FSIP2: variants seen among roughly 807,000 people sequenced by gnomAD.
FSIP2 encodes fibrous sheath-interacting protein 2.
FSIP2 carries 367 observed loss-of-function variants against 510.5 expected under a neutral mutation model. The observed-to-expected ratio is 0.72, with a 90% confidence interval of 0.66 to 0.78. FSIP2 has a LOEUF of 0.78. Among genes scored for constraint, FSIP2 ranks in the 30% least tolerant of loss-of-function variants. The pLI, the probability that FSIP2 is intolerant of heterozygous loss-of-function variation, is 0.00. For missense variants in FSIP2, 7,594 were observed against 7,901.7 expected (o/e 0.96, Z 1.48); for synonymous variants, 2,601 against 2,732.2 (o/e 0.95, Z 1.50).
rs1693526336 is a variant in FSIP2, at chr2:185,804,871, A to C, written c.15565A>C (p.Asn5189His). The C allele has an allele frequency of 6.6e-7, 1 of 1,523,224 alleles. No homozygotes were observed. Among genetic ancestry groups the C allele is most frequent in the Non-Finnish European group, 8.8e-7 (1 of 1,141,876 alleles). 94.4% of individuals were successfully genotyped at this position (1,523,224 alleles called of 1,614,324 possible). A position where few individuals can be genotyped will look rare whatever the true frequency, so the allele number is the denominator to read the frequency against. Residue 5189 changes from asparagine (N) to histidine (H), a missense_variant, in exon 17 of 23, where the codon AAT (asparagine) becomes CAT (histidine). Physicochemically the swap from Asn to His is moderately conservative, Grantham distance 68 (BLOSUM62 1). Coordinates refer to ENST00000424728, the MANE Select transcript of FSIP2 (RefSeq NM_173651.4). The stretch of plus-strand genomic sequence containing the variant: ...AAGTATGCAGTTAGAACCTATTGAA[A>C]ATTTGGTCGACTCCATATGTAATAA... ...AESMQLEPIENLVDSICNNIL... is the reference protein window; with the variant it reads ...AESMQLEPIEHLVDSICNNIL...
At chr2:185,748,811 C>T (rs138364865) in intron 7 of FSIP2, among the ~76,000 whole-genome samples, 14 of 152,140 alleles carry the variant, frequency 9.2e-5, no homozygotes, top group African/African-American at 3.4e-4. Flanking sequence ...CTGATATTTC[C>T]AATGGAGTTA....
At position 185,802,899 on chromosome 2, in the gene FSIP2, CA is replaced by C; in HGVS notation, c.13595del (p.Lys4532SerfsTer42). The C allele has an allele frequency of 6.7e-7, 1 of 1,496,280 alleles. No homozygotes were observed. Among genetic ancestry groups the C allele is most frequent in the Non-Finnish European group, 8.8e-7 (1 of 1,131,596 alleles). 92.7% of individuals were successfully genotyped at this position (1,496,280 alleles called of 1,614,324 possible). ...GATTTTCAAAAGAGGAAGAAGAAAC[CA>C]AGTTTATTTATTCAGAAGATGATAT... The part of the protein sequence containing the change: ...IRFSKEEEET[K>X]FIYSEDDIQH... On this transcript the variant is annotated frameshift_variant, in exon 17 of 23. Coordinates refer to ENST00000424728, the MANE Select transcript of FSIP2 (RefSeq NM_173651.4). LOFTEE classifies it high-confidence loss of function.
At chr2:185,783,421 T>A (rs916043195) in intron 14 of FSIP2, among the ~76,000 whole-genome samples, 8 of 152,294 alleles carry the variant, frequency 5.3e-5, no homozygotes, top group Non-Finnish European at 1.2e-4. Flanking sequence ...TCATCTTTTT[T>A]AAAAATGAAC....
rs1693618342 is a variant in FSIP2 at position 185,807,658 on chromosome 2, G to C, written c.18352G>C (p.Val6118Leu). 6.2e-7 allele frequency: 1 copy of C among 1,612,868 alleles called. No individual in the cohort carries two copies. Among genetic ancestry groups the C allele is most frequent in the Non-Finnish European group, 8.5e-7 (1 of 1,179,330 alleles). The change falls in exon 17 of 23, where the codon GTT becomes CTT. Residue 6118 changes from valine to leucine, a missense_variant. Coordinates refer to ENST00000424728, the MANE Select transcript of FSIP2 (RefSeq NM_173651.4). ...SGCKILSENIVDLVLREVASN... is the reference protein window; with the variant it reads ...SGCKILSENILDLVLREVASN... The stretch of plus-strand genomic sequence containing the variant: ...ATGCAAAATCCTTTCAGAAAACATA[G>C]TTGACTTGGTTCTACGAGAAGTGGC...
chr2:185,802,503 C>T lies in FSIP2; in HGVS notation c.13197C>T (p.Gly4399=). 1 of 1,532,386 alleles carries T rather than the reference C, an allele frequency of 6.5e-7. No homozygotes were observed. Among genetic ancestry groups the T allele is most frequent in the South Asian group, 1.2e-5 (1 of 83,692 alleles). The allele number at this position is 1,532,386 out of a possible 1,614,324, so 94.9% of individuals were successfully genotyped here. The change falls in exon 17 of 23, where the codon GGC becomes GGT. Residue 4399 remains glycine (G), a synonymous_variant. Transcript: ENST00000424728. ...LAVDKESEDS[G]IFVENITNLI... is the part of the protein sequence containing the mutation. ...TTGATAAAGAGTCTGAAGACAGTGGCATTTTTGTGGAAAATATTACCAATT... is the reference window on the plus strand; with the variant it reads ...TTGATAAAGAGTCTGAAGACAGTGGTATTTTTGTGGAAAATATTACCAATT...
chr2:185,809,539 C>G (rs1049886938), intron 17 of FSIP2, among the ~76,000 whole-genome samples: 4 of 152,040 alleles, frequency 2.6e-5, no homozygotes, highest in African/African-American at 9.7e-5. Context: ...AAAAGAATAT[C>G]AGGATATGTG....
intron 3 of FSIP2, among the ~76,000 whole-genome samples, chr2:185,743,641 A>G (rs758772186): frequency 6.6e-6 from 1 of 152,158 alleles, no homozygotes; most frequent in East Asian, 1.9e-4. Context: ...TGTTCCATAT[A>G]CTTTTAAAAA....
At chr2:185,819,051 T>C (rs1204191772) in intron 19 of FSIP2, among the ~76,000 whole-genome samples, 1 of 151,920 alleles carries the variant, frequency 6.6e-6, no homozygotes, top group African/African-American at 2.4e-5. Context: ...AAAGATATAA[T>C]TTTGGAACCT....
intron 2 of FSIP2, 81 bp from the exon 3 acceptor site, chr2:185,743,051 CA>C (rs1691954564): frequency 2.1e-5 from 21 of 1,016,564 alleles, no homozygotes; most frequent in Non-Finnish European, 2.8e-5. Flanking sequence ...ATTTTATTTT[CA>C]ATGAACATTC....
intron 7 of FSIP2, among the ~76,000 whole-genome samples, chr2:185,752,639 T>G (rs139324081): frequency 6.6e-6 from 1 of 151,414 alleles, no homozygotes; most frequent in Non-Finnish European, 1.5e-5. Context: ...ATGGTATTGC[T>G]CATCTCACAT....
chr2:185,810,359 T>A (rs1190155358), intron 17 of FSIP2, among the ~76,000 whole-genome samples: 1 of 151,912 alleles, frequency 6.6e-6, no homozygotes, highest in Non-Finnish European at 1.5e-5. Context: ...TAAAAGTGTG[T>A]GTCACTCCCC....
intron 14 of FSIP2, among the ~76,000 whole-genome samples, chr2:185,783,162 T>G (rs1279753084): frequency 6.6e-6 from 1 of 152,186 alleles, no homozygotes; most frequent in African/African-American, 2.4e-5. Flanking sequence ...ATAAATGACT[T>G]AATCGGTTAT....
At chr2:185,767,975 C>A (rs1310188696) in intron 13 of FSIP2, among the ~76,000 whole-genome samples, 1 of 152,114 alleles carries the variant, frequency 6.6e-6, no homozygotes, top group East Asian at 1.9e-4. Context: ...TACAAATTTA[C>A]ATTTCTACCA....
chr2:185,792,654 A>T lies in FSIP2; in HGVS notation c.5518A>T (p.Thr1840Ser). 6.5e-7 allele frequency: 1 copy of T among 1,533,902 alleles called. No homozygotes were observed. Among genetic ancestry groups the T allele is most frequent in the South Asian group, 1.2e-5 (1 of 84,018 alleles). The change falls in exon 16 of 23, where the codon ACC becomes TCC. Residue 1840 changes from threonine (T) to serine (S), a missense_variant. By Grantham distance (58) the Thr-to-Ser change is moderately conservative. Coordinates refer to ENST00000424728, the MANE Select transcript of FSIP2 (RefSeq NM_173651.4). ...MDPLLSEADI[T>S]IVTDNIVRTV... ...TCCTTTACTTTCGGAAGCAGATATAACCATAGTAACAGATAATATTGTTAG... is the reference window on the plus strand; with the variant it reads ...TCCTTTACTTTCGGAAGCAGATATATCCATAGTAACAGATAATATTGTTAG...
At chr2:185,762,604 C>T (rs1425741801) in intron 11 of FSIP2, among the ~76,000 whole-genome samples, 1 of 151,380 alleles carries the variant, frequency 6.6e-6, no homozygotes, top group Non-Finnish European at 1.5e-5. Context: ...ACCTAAGTTG[C>T]CTTGGACTCT....
In FSIP2 at chr2:185,739,489, G is replaced by A. The variant is rs774808948; in HGVS notation, c.225+18G>A. The A allele has an allele frequency of 6.7e-6, 10 of 1,481,622 alleles. No homozygotes were observed. Among genetic ancestry groups the A allele is most frequent in the Admixed American group, 2.3e-5 (1 of 44,134 alleles). 91.8% of individuals were successfully genotyped at this position (1,481,622 alleles called of 1,614,324 possible). On this transcript the variant is annotated intron_variant, in intron 2 of 22. Transcript: ENST00000424728. Reference sequence around the variant, plus strand: ...GTGAAAAGGTGAACAAGTTTTTATCGTCTTTCTTTCCTTTACCCTTTACTA... The same window carrying A: ...GTGAAAAGGTGAACAAGTTTTTATCATCTTTCTTTCCTTTACCCTTTACTA...
chr2:185,747,710 C>A (rs926662069), intron 7 of FSIP2, among the ~76,000 whole-genome samples: 2 of 151,860 alleles, frequency 1.3e-5, no homozygotes, highest in Non-Finnish European at 2.9e-5. Flanking sequence ...TTAGAACTAG[C>A]AGTTCTTTGT....
At position 185,809,117 on chromosome 2, in the gene FSIP2, A is replaced by C; in HGVS notation, c.19811A>C (p.Asp6604Ala). The C allele has an allele frequency of 6.4e-7, 1 of 1,570,918 alleles. No individual in the cohort carries two copies. The highest frequency in any genetic ancestry group is 1.2e-5 in the South Asian group (1 of 82,968). The change falls in exon 17 of 23, where the codon GAT (aspartate) becomes GCT (alanine). Residue 6604 changes from aspartate to alanine, a missense_variant. Physicochemically the swap from Asp to Ala is moderately radical, Grantham distance 126. Transcript: ENST00000424728. ...RTSLDKTGRL[D>A]VKPLEAVARN... ...TCATTGGATAAGACTGGAAGACTGG[A>C]TGTAAAACCCCTAGAGGTAAGTGCA... is the stretch of plus-strand genomic sequence containing the variant.
Position 185,790,999 on chromosome 2 carries a change from G to GATCTCA in FSIP2, c.3865_3870dup (p.Ser1289_Gln1290dup), listed in dbSNP as rs1035755773. On this transcript the variant is annotated inframe_insertion, in exon 16 of 23. Transcript: ENST00000424728. ...CATATGGGCTTCAAATCTTCATTACGATCTCAACTTAGTAAGTACACAGCT... is the reference window on the plus strand; with the variant it reads ...CATATGGGCTTCAAATCTTCATTACGATCTCAATCTCAACTTAGTAAGTACACAGCT... 4.6e-6 allele frequency: 7 copies of GATCTCA among 1,528,586 alleles called. No homozygotes were observed. The Admixed American group carries it at 1.4e-4, about 30-fold the overall frequency. The allele number at this position is 1,528,586 out of a possible 1,614,324, so 94.7% of individuals were successfully genotyped here.
Sources: allele counts gnomAD v4.1 joint callset (sites outside exome capture counted in the v4.1 genomes callset), GRCh38; gene constraint gnomAD v4.1.1; transcripts MANE v1.5; gene names NCBI Gene and HGNC (gene_info 2026-07-23, HGNC 2026-07-21).